Variants in GLYATL1B observed in about 807,000 individuals in gnomAD.
The protein encoded by GLYATL1B is putative glycine N-acyltransferase-like protein 1B.
GLYATL1B carries 6 observed loss-of-function variants against 5.5 expected under a neutral mutation model. That is an observed-to-expected ratio of 1.09 (90% CI 0.60 to 2.15). The LOEUF is 2.15. Among genes scored for constraint, GLYATL1B ranks in the 30% most tolerant of loss-of-function variants. GLYATL1B has a pLI of 0.00. For missense variants in GLYATL1B, 135 were observed against 94.1 expected, an observed-to-expected ratio of 1.43 and a Z score of -1.80; for synonymous variants, 67 against 34.9, an observed-to-expected ratio of 1.92 and a Z score of -3.24.
intron 2 of GLYATL1B, among the ~76,000 whole-genome samples, chr11:59,090,380 T>C (rs1859283336): frequency 6.6e-6 from 1 of 152,086 alleles, no homozygotes; most frequent in Non-Finnish European, 1.5e-5. Flanking sequence ...GAAGCATTAA[T>C]ATTTTTGTGA....
Position 59,091,837 on chromosome 11 carries a change from T to TA in GLYATL1B, c.187-1685dup, listed in dbSNP as rs36023172. Reference sequence around the variant, plus strand: ...AGATCCCCATCAAAGGTGCATTGGATAAAAAAACTTGGTACATGTATTCCT... The same window carrying TA: ...AGATCCCCATCAAAGGTGCATTGGATAAAAAAAACTTGGTACATGTATTCCT... On this transcript the variant is annotated intron_variant, in intron 2 of 4. Coordinates refer to ENST00000527482, the MANE Select transcript of GLYATL1B (RefSeq NM_001355566.1). Among the ~76,000 whole-genome samples the TA allele has an allele frequency of 1.4e-4, 22 of 152,214 alleles. 1 individual carries two copies. Among genetic ancestry groups the TA allele is most frequent in the African/African-American group, 4.1e-4 (17 of 41,544 alleles).
rs1859362560 is a variant in GLYATL1B, at chr11:59,093,442, G to C, written c.187-87G>C. On this transcript the variant is annotated intron_variant, in intron 2 of 4. Coordinates refer to ENST00000527482, the MANE Select transcript of GLYATL1B (RefSeq NM_001355566.1). ...TGGGCTAGTGCTAAAACTTTCTTTT[G>C]AATTTTCATTTTTCTAATAATTGCA... 2.5e-5 allele frequency: 11 copies of C among 443,330 alleles called. No individual in the cohort carries two copies. In the East Asian group the frequency reaches 3.3e-4, roughly 13 times the overall value. 27.5% of individuals were successfully genotyped at this position (443,330 alleles called of 1,614,324 possible). A position where few individuals can be genotyped will look rare whatever the true frequency, so the allele number is the denominator to read the frequency against.
At position 59,094,366 on chromosome 11, in the gene GLYATL1B, C is replaced by T. The variant is rs1308631581; in HGVS notation, c.492-3C>T. 9 of 524,254 alleles carry T rather than the reference C, an allele frequency of 1.7e-5. No homozygotes were observed. Among genetic ancestry groups the T allele is most frequent in the Non-Finnish European group, 3.1e-5 (9 of 289,828 alleles). The allele number at this position is 524,254 out of a possible 1,614,324, so 32.5% of individuals were successfully genotyped here. On this transcript the variant is annotated splice_polypyrimidine_tract_variant and splice_region_variant and intron_variant, in intron 4 of 4. Coordinates refer to ENST00000527482, the MANE Select transcript of GLYATL1B (RefSeq NM_001355566.1). ...TTGTTGTCTTTCTTTTTGTTTTCTACAGCGAGACTCCGAACTTTAAGTATG... is the reference window on the plus strand; with the variant it reads ...TTGTTGTCTTTCTTTTTGTTTTCTATAGCGAGACTCCGAACTTTAAGTATG...
At chr11:59,088,967 A>C (rs1166645302) in intron 2 of GLYATL1B, among the ~76,000 whole-genome samples, 1 of 152,188 alleles carries the variant, frequency 6.6e-6, no homozygotes, top group Non-Finnish European at 1.5e-5. Context: ...GAAAGATAAT[A>C]TATGCTGATT....
At chr11:59,094,168 T>C in intron 4 of GLYATL1B, 57 bp downstream of exon 4, 4 of 533,478 alleles carry the variant, frequency 7.5e-6, no homozygotes, top group Non-Finnish European at 1.4e-5. Flanking sequence ...ATTTTTGTAA[T>C]TCACATAAAT....
chr11:59,092,751 G>C (rs958750510), intron 2 of GLYATL1B, among the ~76,000 whole-genome samples: 5 of 152,178 alleles, frequency 3.3e-5, no homozygotes, highest in African/African-American at 7.2e-5. Flanking sequence ...AAATTGCGCA[G>C]AGTGCTACGG....
In GLYATL1B at chr11:59,094,718, G is replaced by A; in HGVS notation, c.841G>A (p.Gly281Ser). The A allele has an allele frequency of 8.7e-6, 4 of 460,714 alleles. No homozygotes were observed. The highest frequency in any genetic ancestry group is 1.6e-5 in the Non-Finnish European group (4 of 253,300). The allele number at this position is 460,714 out of a possible 1,614,324, so 28.5% of individuals were successfully genotyped here. A position where few individuals can be genotyped will look rare whatever the true frequency, so the allele number is the denominator to read the frequency against. Residue 281 changes from glycine (G) to serine (S), a missense_variant, in exon 5 of 5, where the codon GGT becomes AGT. Coordinates refer to ENST00000527482, the MANE Select transcript of GLYATL1B (RefSeq NM_001355566.1). ...QGVIRKTSAL[G>S]FLEASCQWHQ... ...CGTCATCAGAAAGACTAGTGCACTA[G>A]GTTTCCTTGAGGCCTCCTGTCAGTG... is the stretch of plus-strand genomic sequence containing the variant.
At chr11:59,086,938 C>G (rs1859204419) in intron 1 of GLYATL1B, 126 bp from the exon 2 acceptor site, 1 of 437,030 alleles carries the variant, frequency 2.3e-6, no homozygotes, top group East Asian at 3.4e-5. Context: ...AGATGCTGTT[C>G]ATCTCATCAT....
intron 4 of GLYATL1B, 127 bp downstream of exon 4, chr11:59,094,238 G>C: frequency 2.0e-6 from 1 of 493,914 alleles, no homozygotes. Flanking sequence ...GTTGTCAGTG[G>C]TCAAAATACG....
intron 2 of GLYATL1B, among the ~76,000 whole-genome samples, chr11:59,092,327 T>C (rs1186264013): frequency 6.6e-6 from 1 of 152,182 alleles, no homozygotes; most frequent in African/African-American, 2.4e-5. Context: ...TTTATGGCTT[T>C]CATTTTTACA....
intron 2 of GLYATL1B, among the ~76,000 whole-genome samples, chr11:59,087,654 G>A (rs753933268): frequency 6.6e-6 from 1 of 152,138 alleles, no homozygotes; most frequent in South Asian, 2.1e-4. Context: ...GGACCTGCCT[G>A]TGCAACATAA....
At position 59,094,599 on chromosome 11, in the gene GLYATL1B, G is replaced by C; in HGVS notation, c.722G>C (p.Arg241Thr). 2.1e-6 allele frequency: 1 copy of C among 484,536 alleles called. No individual in the cohort carries two copies. Among genetic ancestry groups the C allele is most frequent in the Non-Finnish European group, 3.7e-6 (1 of 268,834 alleles). 30.0% of individuals were successfully genotyped at this position (484,536 alleles called of 1,614,324 possible). A position where few individuals can be genotyped will look rare whatever the true frequency, so the allele number is the denominator to read the frequency against. Residue 241 changes from arginine (R) to threonine (T), a missense_variant, in exon 5 of 5, where the codon AGA (arginine) becomes ACA (threonine). Physicochemically the swap from Arg to Thr is moderately conservative, Grantham distance 71 (BLOSUM62 -1). Transcript: ENST00000527482. ...MGYSVEKYRR[R>T]GNGTRLIMRC... ...TACAGTGTGGAAAAATACCGAAGGAGAGGCAATGGGACACGGCTGATCATG... is the reference window on the plus strand; with the variant it reads ...TACAGTGTGGAAAAATACCGAAGGACAGGCAATGGGACACGGCTGATCATG...
intron 2 of GLYATL1B, among the ~76,000 whole-genome samples, chr11:59,090,308 A>G (rs976555099): frequency 6.6e-6 from 1 of 151,964 alleles, no homozygotes; most frequent in African/African-American, 2.4e-5. Context: ...CAGTTCCCCA[A>G]TTTCCCCAAC....
At chr11:59,094,345 T>G (rs2135384028) in intron 4 of GLYATL1B, 24 bp from the exon 5 acceptor site, 1 of 498,436 alleles carries the variant, frequency 2.0e-6, no homozygotes, top group East Asian at 3.3e-5. Context: ...TGAAAGTTGT[T>G]GTCTTTCTTT....
intron 2 of GLYATL1B, among the ~76,000 whole-genome samples, chr11:59,090,232 CTA>C (rs1250708389): frequency 1.3e-5 from 2 of 151,968 alleles, no homozygotes; most frequent in Non-Finnish European, 2.9e-5. Flanking sequence ...TCACCCTTCA[CTA>C]ATCTTTTTCT....
At chr11:59,086,695 G>A (rs1336025776) in intron 1 of GLYATL1B, among the ~76,000 whole-genome samples, 1 of 152,130 alleles carries the variant, frequency 6.6e-6, no homozygotes, top group Non-Finnish European at 1.5e-5. Flanking sequence ...ATATCATTGT[G>A]CCTGTGCCTT....
chr11:59,090,419 T>C (rs2135382387), intron 2 of GLYATL1B, among the ~76,000 whole-genome samples: 1 of 152,074 alleles, frequency 6.6e-6, no homozygotes, highest in Admixed American at 6.5e-5. Context: ...AGAAATATGG[T>C]CTTTCTCTCA....
At chr11:59,086,959 G>A (rs1311366186) in intron 1 of GLYATL1B, 105 bp from the exon 2 acceptor site, 4 of 454,458 alleles carry the variant, frequency 8.8e-6, no homozygotes, top group South Asian at 6.8e-5. Flanking sequence ...CACTGACTTG[G>A]TCCCAGTACT....
intron 2 of GLYATL1B, among the ~76,000 whole-genome samples, chr11:59,090,530 A>G (rs2135382434): frequency 6.6e-6 from 1 of 151,940 alleles, no homozygotes; most frequent in African/African-American, 2.4e-5. Context: ...GGTATTTTAT[A>G]TTATTTTTTA....
Sources: gnomAD v4.1 joint callset for allele counts (sites outside exome capture counted in the v4.1 genomes callset) on GRCh38, gnomAD v4.1.1 for gene constraint, MANE v1.5 for transcripts, NCBI Gene and HGNC (gene_info 2026-07-23, HGNC 2026-07-21) for gene names.